The following PC variants were observed in gnomAD, a reference collection of about 807,000 sequenced individuals.
PC encodes pyruvate carboxylase, mitochondrial.
PC carries 46 observed loss-of-function variants against 107.8 expected under a neutral mutation model. The observed-to-expected ratio is 0.43, with a 90% CI of 0.34 to 0.55. PC has a LOEUF of 0.55. Ranked by LOEUF, PC falls within the 20% of genes least tolerant of loss-of-function variation. The pLI, the probability that PC is intolerant of heterozygous loss-of-function variation, is 0.04. For synonymous variants in PC, 662 were observed against 684.7 expected (o/e 0.97, Z 0.52); for missense variants, 1,241 against 1,643.1 (o/e 0.76, Z 4.23).
At chr11:66,884,899 A>C (rs1463114446) in intron 3 of PC, among the ~76,000 whole-genome samples, 2 of 152,196 alleles carry the variant, frequency 1.3e-5, no homozygotes, top group Non-Finnish European at 2.9e-5. Context: ...AGGGAGGAAG[A>C]TGCCAGGACC....
chr11:66,854,785 C>A (rs1175236599), intron 12 of PC, among the ~76,000 whole-genome samples: 2 of 152,236 alleles, frequency 1.3e-5, no homozygotes, highest in East Asian at 1.9e-4. Context: ...GTGCCTCCCC[C>A]ACCAGCCTGT....
At chr11:66,908,556 C>G (rs1466502846) in intron 3 of PC, among the ~76,000 whole-genome samples, 1 of 152,208 alleles carries the variant, frequency 6.6e-6, no homozygotes, top group Non-Finnish European at 1.5e-5. Context: ...CTGGGTACCA[C>G]CCCACCATCG....
At chr11:66,868,813 C>T (rs1183811716) in intron 10 of PC, 33 bp downstream of exon 10, 8 of 1,542,674 alleles carry the variant, frequency 5.2e-6, no homozygotes, top group South Asian at 2.2e-5. Flanking sequence ...CTAGAAGCCG[C>T]GCCTCCCGCC....
chr11:66,859,679 C>T (rs371094687), intron 12 of PC: 15 of 1,612,978 alleles, frequency 9.3e-6, no homozygotes, highest in Middle Eastern at 1.7e-4. Flanking sequence ...TGAAGCACCT[C>T]GTCCCCGGCG....
In PC at chr11:66,851,939, C is replaced by T. The variant is rs138796998; in HGVS notation, c.1833G>A (p.Thr611=). 3.8e-5 allele frequency: 61 copies of T among 1,613,990 alleles called. No individual in the cohort carries two copies. The highest frequency in any genetic ancestry group is 2.4e-4 in the African/African-American group (18 of 75,058). ...ACAGGAAGCGCATGGCGACGTCAAA[C>T]GTGGCTCCTGCACAGGAACCGAGAG... ...LFSMENWGGA[T]FDVAMRFLYE... The change falls in exon 16 of 23, where the codon ACG becomes ACA. Residue 611 remains threonine, a synonymous_variant. Coordinates refer to ENST00000393960, the MANE Select transcript of PC (RefSeq NM_001040716.2).
intron 12 of PC, among the ~76,000 whole-genome samples, chr11:66,855,924 G>A (rs774486950): frequency 5.3e-5 from 8 of 152,208 alleles, no homozygotes; most frequent in Non-Finnish European, 8.8e-5. Context: ...GGGTTTCCCC[G>A]AGTTTCCTGC....
chr11:66,865,622 G>A (rs1038129111), intron 11 of PC, among the ~76,000 whole-genome samples: 4 of 152,046 alleles, frequency 2.6e-5, no homozygotes, highest in Non-Finnish European at 5.9e-5. Flanking sequence ...CCGCCTCAGC[G>A]CCCCCTACAC....
rs1393441082 is a variant in PC, at chr11:66,870,453, C to T, written c.752G>A (p.Gly251Glu). 1 of 1,613,228 alleles carries T rather than the reference C, an allele frequency of 6.2e-7. No individual in the cohort carries two copies. The highest frequency in any genetic ancestry group is 2.2e-5 in the East Asian group (1 of 44,880). The change falls in exon 9 of 23, where the codon GGG (glycine) becomes GAG (glutamate). Residue 251 changes from glycine to glutamate, a missense_variant and splice_region_variant. Transcript: ENST00000393960. The surrounding 1 kb of genome is among the most constrained non-coding windows in gnomAD (Gnocchi z 6.1). Reference protein sequence around the residue: ...KPRHIEVQILGDQYGNILHLY... With the variant: ...KPRHIEVQILEDQYGNILHLY... ...GTGCAGGATGTTCCCATACTGGTCC[C>T]CTGGGGAGGGAGGTAAACTGGGCTT...
chr11:66,863,979 G>A (rs1471579752), intron 11 of PC, 23 bp from the exon 12 acceptor site: 2 of 1,613,086 alleles, frequency 1.2e-6, no homozygotes. Context: ...TGAGGCGTGA[G>A]GACCTGCGCC....
chr11:66,878,475 G>A (rs896113048), intron 3 of PC, among the ~76,000 whole-genome samples: 1 of 152,232 alleles, frequency 6.6e-6, no homozygotes, highest in Non-Finnish European at 1.5e-5. Flanking sequence ...GCCCCACAGC[G>A]TGGCCACCAA....
chr11:66,937,952 A>G (rs1949040539), intron 3 of PC, among the ~76,000 whole-genome samples: 1 of 151,598 alleles, frequency 6.6e-6, no homozygotes, highest in Non-Finnish European at 1.5e-5. Flanking sequence ...AATTTTTTGT[A>G]TTTTTAGTAG....
chr11:66,851,723 T>C, intron 16 of PC, 67 bp downstream of exon 16: 1 of 1,536,020 alleles, frequency 6.5e-7, no homozygotes, highest in South Asian at 1.1e-5. Context: ...ACAGAGGCCA[T>C]CACGACATGG....
intron 3 of PC, among the ~76,000 whole-genome samples, chr11:66,919,987 T>C (rs1234402534): frequency 6.6e-6 from 1 of 152,148 alleles, no homozygotes; most frequent in Non-Finnish European, 1.5e-5. Context: ...GTTACAGCCT[T>C]GAAATGTAGG....
At chr11:66,883,900 A>G (rs1028762888) in intron 3 of PC, among the ~76,000 whole-genome samples, 1 of 152,078 alleles carries the variant, frequency 6.6e-6, no homozygotes, top group African/African-American at 2.4e-5. Flanking sequence ...AGCTTGGGCA[A>G]CATATTGAGA....
At position 66,901,268 on chromosome 11, in the gene PC, C is replaced by A. The variant is rs191618641; in HGVS notation, c.1-29109G>T. On this transcript the variant is annotated intron_variant, in intron 3 of 22. Coordinates refer to ENST00000393960, the MANE Select transcript of PC (RefSeq NM_001040716.2). ...CCTTCCTGGCTGGTTTCCTGTAGGT[C>A]CAGCCGATGAGACAGAGGCACAGGC... Among the ~76,000 whole-genome samples the A allele has an allele frequency of 5.2e-3, 794 of 152,242 alleles. 10 individuals are homozygous for A. Among genetic ancestry groups the A allele is most frequent in the African/African-American group, 0.018 (728 of 41,544 alleles).
At chr11:66,859,942 A>C (rs1356213524) in intron 12 of PC, 1 of 1,595,184 alleles carries the variant, frequency 6.3e-7, no homozygotes, top group African/African-American at 1.3e-5. Context: ...CTCCCCCTCA[A>C]GCTCAGCCAC....
chr11:66,909,655 G>A (rs971612527), intron 3 of PC, among the ~76,000 whole-genome samples: 5 of 152,204 alleles, frequency 3.3e-5, no homozygotes, highest in African/African-American at 7.2e-5. Context: ...AGGAGCTCAC[G>A]TCAGGGAAGG....
At chr11:66,851,972 T>A in intron 15 of PC, 26 bp from the exon 16 acceptor site, 1 of 1,612,520 alleles carries the variant, frequency 6.2e-7, no homozygotes, top group Non-Finnish European at 8.5e-7. Flanking sequence ...GAGGCCCAGA[T>A]CAGCTCTGCA....
intron 3 of PC, among the ~76,000 whole-genome samples, chr11:66,913,021 G>A (rs954136473): frequency 2.0e-5 from 3 of 152,152 alleles, no homozygotes; most frequent in African/African-American, 4.8e-5. Flanking sequence ...CTGGCTCAAA[G>A]CCCATTCCTC....
Sources: gnomAD v4.1 joint callset for allele counts (sites outside exome capture counted in the v4.1 genomes callset) on GRCh38, gnomAD v4.1.1 for gene constraint, Gnocchi (gnomAD v3.1) non-coding constraint, MANE v1.5 for transcripts, NCBI Gene and HGNC (gene_info 2026-07-23, HGNC 2026-07-21) for gene names.